The following ENOX2 variants were observed in gnomAD, a reference collection of about 807,000 sequenced individuals.
ENOX2 encodes APK1 antigen.
Under a neutral mutation model 45.0 loss-of-function variants are expected in ENOX2, and 36 were observed. The ratio of observed to expected loss-of-function variants is 0.80; its 90% confidence interval spans 0.61 to 1.06. ENOX2 has a LOEUF of 1.06. ENOX2 is among the 50% of genes least tolerant of loss of function. ENOX2 has a pLI of 0.00. For synonymous variants in ENOX2, 174 were observed against 152.3 expected, an observed-to-expected ratio of 1.14 and a Z score of -1.05; for missense variants, 423 against 462.5, an observed-to-expected ratio of 0.91 and a Z score of 0.78.
intron 11 of ENOX2, 102 bp from the exon 12 acceptor site, chrX:130,635,193 T>C (rs1401301059): frequency 6.7e-6 from 3 of 446,844 alleles, no homozygotes; most frequent in Non-Finnish European, 1.1e-5. Context: ...TGCCTCACTT[T>C]CCTCCAGCAC....
rs190590892 is a variant in ENOX2, at chrX:130,675,818, G to C, written c.460+3724C>G. Among the ~76,000 whole-genome samples the C allele has an allele frequency of 4.5e-5, 5 of 111,175 alleles. 1 individual carries two copies. Among genetic ancestry groups the C allele is most frequent in the African/African-American group, 1.6e-4 (5 of 30,592 alleles). On this transcript the variant is annotated intron_variant, in intron 6 of 14. Coordinates refer to ENST00000394363, the MANE Select transcript of ENOX2 (RefSeq NM_006375.4). Reference sequence around the variant, plus strand: ...TTCATTATTTTCATTGTTGGTGATGGTTTCATACCTGAATACATATATAGA... The same window carrying C: ...TTCATTATTTTCATTGTTGGTGATGCTTTCATACCTGAATACATATATAGA...
chrX:130,883,170 G>A (rs1021385831), intron 2 of ENOX2, among the ~76,000 whole-genome samples: 6 of 111,582 alleles, frequency 5.4e-5, no homozygotes, highest in African/African-American at 2.0e-4. Flanking sequence ...GAGTGCAATG[G>A]CATGGTCTCA....
chrX:130,739,221 T>C (rs2038925684), intron 3 of ENOX2, among the ~76,000 whole-genome samples: 1 of 112,712 alleles, frequency 8.9e-6, no homozygotes, highest in Non-Finnish European at 1.9e-5. Flanking sequence ...TAGTCTCCTG[T>C]GACGGTGGGC....
intron 6 of ENOX2, among the ~76,000 whole-genome samples, chrX:130,679,261 T>C (rs759654330): frequency 1.8e-5 from 2 of 110,215 alleles, no homozygotes; most frequent in Non-Finnish European, 3.8e-5. Flanking sequence ...TGGGACATGG[T>C]GTGTGAGGGA....
intron 2 of ENOX2, among the ~76,000 whole-genome samples, chrX:130,817,732 A>T (rs2077514972): frequency 8.9e-6 from 1 of 112,387 alleles, no homozygotes; most frequent in African/African-American, 3.2e-5. Flanking sequence ...CATGCCAAAA[A>T]TTATCAATAA....
At chrX:130,652,222 A>G (rs2036422154) in intron 10 of ENOX2, among the ~76,000 whole-genome samples, 1 of 111,862 alleles carries the variant, frequency 8.9e-6, no homozygotes, top group Non-Finnish European at 1.9e-5. Flanking sequence ...ACTTACTTCT[A>G]TAAAAACTTT....
chrX:130,652,193 T>A (rs758510846), intron 10 of ENOX2, among the ~76,000 whole-genome samples: 1 of 112,190 alleles, frequency 8.9e-6, no homozygotes, highest in Non-Finnish European at 1.9e-5. Context: ...CTTTGTAACA[T>A]CTGTTAATGT....
At chrX:130,688,719 A>T (rs768173519) in intron 5 of ENOX2, 144 bp downstream of exon 5, 97 of 462,352 alleles carry the variant, frequency 2.1e-4, no homozygotes, top group Non-Finnish European at 3.3e-4. Flanking sequence ...GCCTAGCAAG[A>T]GAAAATTTTC....
chrX:130,712,312 C>T (rs753998610), intron 3 of ENOX2, among the ~76,000 whole-genome samples: 4 of 111,469 alleles, frequency 3.6e-5, no homozygotes, highest in Admixed American at 9.5e-5. Context: ...GAATGTCAGG[C>T]GACTATCAGG....
chrX:130,689,128 T>C, intron 4 of ENOX2, 110 bp from the exon 5 acceptor site: 1 of 564,652 alleles, frequency 1.8e-6, no homozygotes, highest in Non-Finnish European at 2.8e-6. Flanking sequence ...AGAGGCAAAA[T>C]ATTTAACAAG....
Position 130,670,064 on chromosome X carries a change from G to A in ENOX2, c.595C>T (p.Arg199Cys), listed in dbSNP as rs773103806. The A allele has an allele frequency of 9.9e-6, 12 of 1,210,454 alleles. No individual in the cohort carries two copies. In the East Asian group the frequency reaches 1.8e-4, roughly 18 times the overall value. Residue 199 changes from arginine to cysteine, a missense_variant, in exon 7 of 15, where the codon CGT becomes TGT. This residue lies in a region of ENOX2 where 261 missense variants were observed against 306.8 expected (regional missense o/e 0.85). Transcript: ENST00000394363. ...AATCTTTCTTCTTCCATTCTTCTAC[G>A]ATGGCGCTCCTCTCTGGCTAGCATA... ...QRMLAREERH[R>C]RRMEEERLRP... is the part of the protein sequence containing the mutation.
At chrX:130,637,943 C>T (rs1250761879) in intron 10 of ENOX2, among the ~76,000 whole-genome samples, 4 of 111,642 alleles carry the variant, frequency 3.6e-5, no homozygotes, top group South Asian at 7.6e-4. Flanking sequence ...AAAGCAAATG[C>T]TGAGGGACAT....
At chrX:130,821,570 G>T (rs1363311344) in intron 2 of ENOX2, among the ~76,000 whole-genome samples, 1 of 80,437 alleles carries the variant, frequency 1.2e-5, no homozygotes, top group African/African-American at 4.7e-5. Flanking sequence ...AGGGATAGCA[G>T]TGGGAGATAT....
intron 13 of ENOX2, among the ~76,000 whole-genome samples, chrX:130,630,288 G>A (rs765656933): frequency 6.3e-5 from 7 of 111,131 alleles, no homozygotes; most frequent in Non-Finnish European, 1.1e-4. Context: ...TCCCCGGGGC[G>A]CACAGCTCCT....
intron 9 of ENOX2, among the ~76,000 whole-genome samples, chrX:130,664,048 C>T (rs2036768579): frequency 9.0e-6 from 1 of 111,560 alleles, no homozygotes; most frequent in African/African-American, 3.3e-5. Flanking sequence ...TCCTTTTCTC[C>T]CCTAATTCTT....
chrX:130,853,586 C>T (rs2078258706), intron 2 of ENOX2, among the ~76,000 whole-genome samples: 1 of 110,773 alleles, frequency 9.0e-6, no homozygotes, highest in Admixed American at 9.6e-5. Context: ...AACTGCACCC[C>T]TAACCTCATC....
chrX:130,886,779 A>C (rs1365975555), intron 2 of ENOX2, among the ~76,000 whole-genome samples: 2 of 111,975 alleles, frequency 1.8e-5, no homozygotes, highest in African/African-American at 6.5e-5. Context: ...AAGTTTCCCT[A>C]CTCTTAGGTA....
At chrX:130,861,456 C>T (rs773541722) in intron 2 of ENOX2, among the ~76,000 whole-genome samples, 6 of 111,477 alleles carry the variant, frequency 5.4e-5, no homozygotes, top group African/African-American at 1.9e-4. Context: ...GAAGGGAATC[C>T]CGGCATTTGC....
chrX:130,876,074 C>T (rs2078695743), intron 2 of ENOX2, among the ~76,000 whole-genome samples: 1 of 111,551 alleles, frequency 9.0e-6, no homozygotes. Flanking sequence ...CATAGAGTTA[C>T]CACATGACCC....
Sources: gnomAD v4.1 joint callset for allele counts (sites outside exome capture counted in the v4.1 genomes callset) on GRCh38, gnomAD v4.1.1 for gene constraint, gnomAD v4.1.1 regional missense constraint, MANE v1.5 for transcripts, NCBI Gene and HGNC (gene_info 2026-07-23, HGNC 2026-07-21) for gene names.